The following FHIT variants were observed in gnomAD, a reference collection of about 807,000 sequenced individuals.
The protein encoded by FHIT is fragile histidine triad diadenosine triphosphatase.
In FHIT, 19 loss-of-function variants were observed where a neutral mutation model predicts 17.9. That is an observed-to-expected ratio of 1.06 (90% CI 0.74 to 1.56). The LOEUF (loss-of-function observed/expected upper bound fraction) is 1.56. Among genes scored for constraint, FHIT ranks in the 40% most tolerant of loss-of-function variants. The pLI is 0.00. For missense variants in FHIT, 248 were observed against 189.2 expected, an observed-to-expected ratio of 1.31 and a Z score of -1.82; for synonymous variants, 81 against 69.7, an observed-to-expected ratio of 1.16 and a Z score of -0.81.
intron 3 of FHIT, among the ~76,000 whole-genome samples, chr3:60,906,964 T>C (rs72889157): frequency 0.029 from 4,476 of 152,186 alleles, 211 homozygotes; most frequent in African/African-American, 0.1. Context: ...AGACCTCTTT[T>C]GGTAAGAAAC....
At chr3:59,771,811 T>G (rs1702086484) in intron 8 of FHIT, among the ~76,000 whole-genome samples, 1 of 152,196 alleles carries the variant, frequency 6.6e-6, no homozygotes. Flanking sequence ...CGGGAGTGCT[T>G]ATCATTTTTA....
At chr3:60,316,873 G>A (rs1709186563) in intron 5 of FHIT, among the ~76,000 whole-genome samples, 1 of 152,150 alleles carries the variant, frequency 6.6e-6, no homozygotes, top group Non-Finnish European at 1.5e-5. Context: ...ATGTAGTGTG[G>A]TCTGAGGACT....
chr3:60,696,530 G>A (rs2041117717), intron 4 of FHIT, among the ~76,000 whole-genome samples: 1 of 152,066 alleles, frequency 6.6e-6, no homozygotes, highest in South Asian at 2.1e-4. Context: ...TTGCTCTTGT[G>A]ATGGTTGCTC....
rs181429837 is a variant in FHIT at position 59,999,502 on chromosome 3, C to T, written c.279+11869G>A. On this transcript the variant is annotated intron_variant, in intron 7 of 9. Transcript: ENST00000492590. ...CTTTAGAAACTGTTTACTCAAACTGCCAGTTAAGCATATTAAGAAACAACA... is the reference window on the plus strand; with the variant it reads ...CTTTAGAAACTGTTTACTCAAACTGTCAGTTAAGCATATTAAGAAACAACA... Among the ~76,000 whole-genome samples, 878 of 151,970 alleles carry T rather than the reference C, an allele frequency of 5.8e-3. 10 individuals carry two copies. The highest frequency in any genetic ancestry group is 0.037 in the Middle Eastern group (11 of 294).
chr3:60,804,483 T>C (rs1283030071), intron 4 of FHIT, among the ~76,000 whole-genome samples: 1 of 152,214 alleles, frequency 6.6e-6, no homozygotes, highest in Admixed American at 6.5e-5. Context: ...AATTGGCAAG[T>C]ATTTTAACCC....
At chr3:60,907,271 A>G (rs1432060630) in intron 3 of FHIT, among the ~76,000 whole-genome samples, 1 of 152,222 alleles carries the variant, frequency 6.6e-6, no homozygotes, top group Admixed American at 6.5e-5. Flanking sequence ...CATTACCTAG[A>G]TAGTACTTTG....
chr3:60,317,270 T>C (rs1413157561), intron 5 of FHIT, among the ~76,000 whole-genome samples: 1 of 152,044 alleles, frequency 6.6e-6, no homozygotes, highest in South Asian at 2.1e-4. Context: ...TCAATCCCTA[T>C]AACAAGTGCA....
In FHIT at chr3:60,201,058, G is replaced by A. The variant is rs540081625; in HGVS notation, c.104-186906C>T. On this transcript the variant is annotated intron_variant, in intron 5 of 9. Transcript: ENST00000492590. Reference sequence around the variant, plus strand: ...CTTACCCAACTTAAAATAGAACAACGTGGGTGGAAAGTACTCAGTCCAATT... The same window carrying A: ...CTTACCCAACTTAAAATAGAACAACATGGGTGGAAAGTACTCAGTCCAATT... Among the ~76,000 whole-genome samples, 6 of 152,178 alleles carry A rather than the reference G, an allele frequency of 3.9e-5. No homozygotes were observed. The East Asian group carries it at 5.8e-4, about 15-fold the overall frequency.
intron 1 of FHIT, among the ~76,000 whole-genome samples, chr3:61,242,100 A>G (rs2040386757): frequency 6.6e-6 from 1 of 152,184 alleles, no homozygotes; most frequent in Non-Finnish European, 1.5e-5. Flanking sequence ...GACCGTTGAT[A>G]TAAGGGTTTA....
chr3:60,799,781 C>G (rs904360339), intron 4 of FHIT, among the ~76,000 whole-genome samples: 1 of 152,244 alleles, frequency 6.6e-6, no homozygotes, highest in Admixed American at 6.5e-5. Context: ...TATATTCTGT[C>G]ACTGCATCCT....
At chr3:60,448,342 A>T (rs2031486414) in intron 5 of FHIT, among the ~76,000 whole-genome samples, 1 of 152,206 alleles carries the variant, frequency 6.6e-6, no homozygotes, top group Non-Finnish European at 1.5e-5. Flanking sequence ...AATCACACAA[A>T]AAAACTTAGG....
intron 5 of FHIT, among the ~76,000 whole-genome samples, chr3:60,107,996 A>G (rs986435348): frequency 6.6e-6 from 1 of 152,202 alleles, no homozygotes; most frequent in African/African-American, 2.4e-5. Context: ...GTGAAAGGAC[A>G]TTCAGAGTGG....
At chr3:59,876,561 T>G (rs1214154595) in intron 8 of FHIT, among the ~76,000 whole-genome samples, 1 of 152,042 alleles carries the variant, frequency 6.6e-6, no homozygotes, top group Non-Finnish European at 1.5e-5. Flanking sequence ...AAAACAGTCT[T>G]CAAGAGAGAA....
At chr3:60,029,166 G>T (rs1377947939) in intron 5 of FHIT, among the ~76,000 whole-genome samples, 1 of 152,102 alleles carries the variant, frequency 6.6e-6, no homozygotes, top group Admixed American at 6.6e-5. Flanking sequence ...TTTATACTCT[G>T]ATAACTTATA....
chr3:61,230,546 C>G (rs1413134602), intron 1 of FHIT, among the ~76,000 whole-genome samples: 1 of 152,048 alleles, frequency 6.6e-6, no homozygotes, highest in East Asian at 1.9e-4. Context: ...TCCTGTATTT[C>G]TTTATAGCAA....
chr3:60,541,057 G>A (rs2036170709), intron 4 of FHIT, among the ~76,000 whole-genome samples: 1 of 152,118 alleles, frequency 6.6e-6, no homozygotes. Flanking sequence ...CAGAACCACT[G>A]ACCAAACCCA....
chr3:60,125,684 G>A (rs1018234473), intron 5 of FHIT, among the ~76,000 whole-genome samples: 1 of 122,970 alleles, frequency 8.1e-6, no homozygotes, highest in African/African-American at 2.9e-5. Context: ...GTGTGTGCGT[G>A]TGTACATATA....
At chr3:60,905,637 G>T (rs1225634756) in intron 3 of FHIT, among the ~76,000 whole-genome samples, 1 of 152,060 alleles carries the variant, frequency 6.6e-6, no homozygotes, top group Admixed American at 6.6e-5. Flanking sequence ...TATACACATA[G>T]AACTACTATT....
At chr3:61,204,493 G>A (rs1320934980) in intron 1 of FHIT, among the ~76,000 whole-genome samples, 3 of 152,074 alleles carry the variant, frequency 2.0e-5, no homozygotes, top group African/African-American at 7.2e-5. Flanking sequence ...AAACGCAATC[G>A]ATTCTCTATA....
Sources: gnomAD v4.1 joint callset for allele counts (sites outside exome capture counted in the v4.1 genomes callset) on GRCh38, gnomAD v4.1.1 for gene constraint, MANE v1.5 for transcripts, NCBI Gene and HGNC (gene_info 2026-07-23, HGNC 2026-07-21) for gene names.